ULK4: variants seen among roughly 807,000 people sequenced by gnomAD.
ULK4 encodes unc-51 like kinase 4.
ULK4 carries 133 observed loss-of-function variants against 160.6 expected under a neutral mutation model. The ratio of observed to expected loss-of-function variants is 0.83; its 90% confidence interval spans 0.72 to 0.96. ULK4 has a LOEUF of 0.96. Among genes scored for constraint, ULK4 ranks in the 40% least tolerant of loss-of-function variants. The probability of loss-of-function intolerance (pLI) is 0.00; values close to 1 mark genes in which losing one functional copy is unlikely to be tolerated. For synonymous variants in ULK4, 534 were observed against 539.8 expected (o/e 0.99, Z 0.15); for missense variants, 1,580 against 1,499.5 (o/e 1.05, Z -0.89).
intron 17 of ULK4, among the ~76,000 whole-genome samples, chr3:41,853,311 C>T (rs1196425852): frequency 4.6e-5 from 7 of 152,168 alleles, no homozygotes; most frequent in African/African-American, 1.7e-4. Context: ...ATTGCCTGCA[C>T]ATGAGAATCA....
chr3:41,730,858 G>A (rs1012862010), intron 22 of ULK4, among the ~76,000 whole-genome samples: 5 of 151,972 alleles, frequency 3.3e-5, no homozygotes, highest in African/African-American at 9.7e-5. Context: ...TTCATCCCAG[G>A]GATGCAAGGA....
At chr3:41,844,161 T>C (rs1376692326) in intron 17 of ULK4, among the ~76,000 whole-genome samples, 2 of 152,136 alleles carry the variant, frequency 1.3e-5, no homozygotes, top group African/African-American at 2.4e-5. Context: ...TCCCGTGCCC[T>C]GTGCCCACAC....
At chr3:41,768,773 T>C (rs1236220374) in intron 21 of ULK4, among the ~76,000 whole-genome samples, 1 of 152,096 alleles carries the variant, frequency 6.6e-6, no homozygotes, top group Admixed American at 6.6e-5. Flanking sequence ...AAAATATAAC[T>C]TAAGTATATA....
intron 35 of ULK4, among the ~76,000 whole-genome samples, chr3:41,333,549 A>G (rs894163350): frequency 6.6e-6 from 1 of 152,148 alleles, no homozygotes; most frequent in African/African-American, 2.4e-5. Flanking sequence ...CTACCTTTTT[A>G]GTCCTGAAAT....
chr3:41,661,993 T>A (rs74344117), intron 30 of ULK4, among the ~76,000 whole-genome samples: 1 of 152,228 alleles, frequency 6.6e-6, no homozygotes, highest in East Asian at 1.9e-4. Flanking sequence ...TGAGCCAAAG[T>A]TACATTTAAA....
chr3:41,479,983 G>T (rs192437091), intron 32 of ULK4, among the ~76,000 whole-genome samples: 4 of 152,050 alleles, frequency 2.6e-5, no homozygotes, highest in Non-Finnish European at 4.4e-5. Context: ...CAAGGCAGGC[G>T]GATCGAGAGG....
chr3:41,480,428 T>G (rs955270880), intron 32 of ULK4, among the ~76,000 whole-genome samples: 1 of 152,062 alleles, frequency 6.6e-6, no homozygotes. Flanking sequence ...TTGAACTATA[T>G]CCACTTGAAT....
chr3:41,291,079 C>T (rs573755589), intron 35 of ULK4, among the ~76,000 whole-genome samples: 4 of 151,414 alleles, frequency 2.6e-5, no homozygotes, highest in African/African-American at 4.9e-5. Flanking sequence ...TTTTGGTTCG[C>T]GGTGATCCTT....
chr3:41,712,117 G>GA (rs34061781), intron 25 of ULK4, among the ~76,000 whole-genome samples: 25 of 151,980 alleles, frequency 1.6e-4, no homozygotes, highest in Non-Finnish European at 3.5e-4. Flanking sequence ...TTCCTTGGGG[G>GA]AAAAAAATTT....
chr3:41,819,561 A>T, intron 18 of ULK4, 55 bp from the exon 19 acceptor site: 1 of 1,532,426 alleles, frequency 6.5e-7, no homozygotes, highest in Non-Finnish European at 8.9e-7. Flanking sequence ...GAAAGATATT[A>T]ACCCATTCAA....
At chr3:41,518,497 A>G (rs2085823206) in intron 32 of ULK4, among the ~76,000 whole-genome samples, 2 of 152,222 alleles carry the variant, frequency 1.3e-5, no homozygotes, top group African/African-American at 4.8e-5. Context: ...AAGGTTGACT[A>G]TTAGCTTTGT....
intron 30 of ULK4, among the ~76,000 whole-genome samples, chr3:41,636,015 ATAGAAAACAAAATAAACC>A (rs2033937512): frequency 6.6e-6 from 1 of 152,220 alleles, no homozygotes; most frequent in African/African-American, 2.4e-5. Context: ...ACTCCTAGAC[ATAGAAAACAAAATAAACC>A]TAGTGGGGTT....
At chr3:41,786,285 A>G (rs1368214300) in intron 21 of ULK4, among the ~76,000 whole-genome samples, 1 of 152,188 alleles carries the variant, frequency 6.6e-6, no homozygotes, top group Non-Finnish European at 1.5e-5. Flanking sequence ...AAAGATTCAG[A>G]GTTGAAAATC....
intron 32 of ULK4, among the ~76,000 whole-genome samples, chr3:41,502,473 C>T (rs559959944): frequency 7.2e-5 from 11 of 152,198 alleles, no homozygotes; most frequent in Middle Eastern, 6.8e-3. Flanking sequence ...AAAATGAAAA[C>T]GGATGTAAAT....
chr3:41,435,036 T>C (rs1004343122), intron 34 of ULK4, among the ~76,000 whole-genome samples: 1 of 152,232 alleles, frequency 6.6e-6, no homozygotes, highest in Admixed American at 6.5e-5. Context: ...TTTCCTTTTC[T>C]TGCCTCAACT....
intron 35 of ULK4, among the ~76,000 whole-genome samples, chr3:41,336,764 A>C (rs1387016067): frequency 6.6e-6 from 1 of 152,298 alleles, no homozygotes; most frequent in Non-Finnish European, 1.5e-5. Flanking sequence ...TCTCCTGGGC[A>C]GTCTGGAAGA....
At chr3:41,927,184 G>A (rs1291350953) in intron 5 of ULK4, among the ~76,000 whole-genome samples, 2 of 152,174 alleles carry the variant, frequency 1.3e-5, no homozygotes, top group African/African-American at 4.8e-5. Context: ...AAGAGTGGGG[G>A]TCAATATTCA....
intron 32 of ULK4, among the ~76,000 whole-genome samples, chr3:41,540,463 G>C (rs1447179277): frequency 1.3e-5 from 2 of 152,138 alleles, no homozygotes; most frequent in African/African-American, 4.8e-5. Context: ...TTGATTCTAA[G>C]TCTTTGCTAT....
intron 21 of ULK4, among the ~76,000 whole-genome samples, chr3:41,783,834 G>A (rs866060005): frequency 2.0e-5 from 3 of 152,074 alleles, no homozygotes; most frequent in Admixed American, 6.6e-5. Context: ...TAAACAGCAG[G>A]AAACATCCAT....
Sources: allele counts gnomAD v4.1 joint callset (sites outside exome capture counted in the v4.1 genomes callset), GRCh38; gene constraint gnomAD v4.1.1; transcripts MANE v1.5; gene names NCBI Gene and HGNC (gene_info 2026-07-23, HGNC 2026-07-21).